Variants in TEDC1 observed in about 807,000 individuals in gnomAD.
TEDC1 encodes tubulin epsilon and delta complex 1, also known as tubulin epsilon and delta complex protein 1.
Under a neutral mutation model 59.9 loss-of-function variants are expected in TEDC1, and 54 were observed. That is an observed-to-expected ratio of 0.90 (90% CI 0.72 to 1.13). The LOEUF is 1.13. Among genes scored for constraint, TEDC1 ranks in the 50% most tolerant of loss-of-function variants. The pLI, the probability that TEDC1 is intolerant of heterozygous loss-of-function variation, is 0.00. For missense variants in TEDC1, 734 were observed against 683.4 expected, an observed-to-expected ratio of 1.07 and a Z score of -0.83; for synonymous variants, 353 against 298.1, an observed-to-expected ratio of 1.18 and a Z score of -1.90.
intron 5 of TEDC1, chr14:105,494,418 G>A (rs1219484041): frequency 5.5e-6 from 1 of 180,522 alleles, no homozygotes; most frequent in Non-Finnish European, 1.2e-5. Flanking sequence ...CACATGGGGT[G>A]TGCTGGACCG....
intron 4 of TEDC1, 145 bp downstream of exon 4, chr14:105,492,879 G>A (rs1555439794): frequency 8.2e-7 from 1 of 1,226,434 alleles, no homozygotes; most frequent in African/African-American, 1.5e-5. Flanking sequence ...CCCAAAGCCT[G>A]AGCCCGTGGT....
intron 4 of TEDC1, among the ~76,000 whole-genome samples, chr14:105,493,252 G>A (rs1555439851): frequency 6.6e-6 from 1 of 152,114 alleles, no homozygotes; most frequent in African/African-American, 2.4e-5. Context: ...GCAGCGGCGG[G>A]CTCCCACCAG....
chr14:105,498,717 G>C lies in TEDC1; in HGVS notation c.1259G>C (p.Arg420Pro), dbSNP rs587693244. 2.1e-5 allele frequency: 32 copies of C among 1,554,698 alleles called. No homozygotes were observed. Among genetic ancestry groups the C allele is most frequent in the Non-Finnish European group, 2.8e-5 (32 of 1,149,614 alleles). The change falls in exon 9 of 9, where the codon CGA (arginine) becomes CCA (proline). Residue 420 changes from arginine to proline, a missense_variant. Physicochemically the swap from Arg to Pro is moderately radical, Grantham distance 103. Coordinates refer to ENST00000392523, the MANE Select transcript of TEDC1 (RefSeq NM_001367178.1). Reference protein sequence around the residue: ...ELGALQQCWERDGGPAQPHGP... With the variant: ...ELGALQQCWEPDGGPAQPHGP... ...GGAGCTCTACAGCAGTGCTGGGAGCGAGACGGTGGCCCGGCCCAGCCCCAT... is the reference window on the plus strand; with the variant it reads ...GGAGCTCTACAGCAGTGCTGGGAGCCAGACGGTGGCCCGGCCCAGCCCCAT...
At chr14:105,491,012 G>GAGAC, upstream of TEDC1, 1 of 1,549,316 alleles carries the variant, frequency 6.5e-7, no homozygotes, top group Non-Finnish European at 8.7e-7. Context: ...GGGTCCGCAC[G>GAGAC]AGACAGAATA....
chr14:105,492,869 C>T, intron 4 of TEDC1, 135 bp downstream of exon 4: 1 of 1,275,336 alleles, frequency 7.8e-7, no homozygotes, highest in Non-Finnish European at 1.1e-6. Flanking sequence ...CCCTGGCTTA[C>T]CCAAAGCCTG....
chr14:105,490,052 C>A (rs1469188458), upstream of TEDC1: 2 of 152,188 alleles, frequency 1.3e-5, no homozygotes, highest in Non-Finnish European at 2.9e-5. Context: ...GGGTGAGGAG[C>A]GCAGTCCTCC....
At chr14:105,494,183 C>T (rs112054580) in intron 5 of TEDC1, 9,335 of 562,226 alleles carry the variant, frequency 0.017, 399 homozygotes, top group African/African-American at 0.11. Flanking sequence ...GGGCCCAGGA[C>T]GCAGGAGCCT....
Position 105,492,217 on chromosome 14 carries a change from G to C in TEDC1, c.337G>C (p.Ala113Pro). 6.2e-7 allele frequency: 1 copy of C among 1,612,334 alleles called. No individual in the cohort carries two copies. Among genetic ancestry groups the C allele is most frequent in the Non-Finnish European group, 8.5e-7 (1 of 1,179,926 alleles). The change falls in exon 3 of 9, where the codon GCT becomes CCT. Residue 113 changes from alanine (A) to proline (P), a missense_variant. Ala to Pro is a conservative substitution (Grantham distance 27). Coordinates refer to ENST00000392523, the MANE Select transcript of TEDC1 (RefSeq NM_001367178.1). ...GCAGGGCAGTCGGGAGCTGCTGCTG[G>C]CTCTGTCCTGGCTCTTGGCCCGAGG... ...GSQGSRELLLALSWLLARGPV... is the reference protein window; with the variant it reads ...GSQGSRELLLPLSWLLARGPV...
At chr14:105,493,222 C>T (rs782748972) in intron 4 of TEDC1, among the ~76,000 whole-genome samples, 30 of 152,218 alleles carry the variant, frequency 2.0e-4, no homozygotes, top group South Asian at 2.1e-4. Context: ...GTGAGGCCAG[C>T]GCTGACAGGT....
Position 105,492,230 on chromosome 14 carries a change from T to C in TEDC1, c.350T>C (p.Leu117Pro). The change falls in exon 3 of 9, where the codon CTC (leucine) becomes CCC (proline). Residue 117 changes from leucine (L) to proline (P), a missense_variant. Physicochemically the swap from Leu to Pro is moderately conservative, Grantham distance 98. Coordinates refer to ENST00000392523, the MANE Select transcript of TEDC1 (RefSeq NM_001367178.1). Reference sequence around the variant, plus strand: ...GAGCTGCTGCTGGCTCTGTCCTGGCTCTTGGCCCGAGGACCTGTGCCCGAG... The same window carrying C: ...GAGCTGCTGCTGGCTCTGTCCTGGCCCTTGGCCCGAGGACCTGTGCCCGAG... ...SRELLLALSWLLARGPVPEQM... is the reference protein window; with the variant it reads ...SRELLLALSWPLARGPVPEQM... 1.2e-6 allele frequency: 2 copies of C among 1,611,938 alleles called. No homozygotes were observed. Among genetic ancestry groups the C allele is most frequent in the Non-Finnish European group, 1.7e-6 (2 of 1,179,944 alleles).
intron 2 of TEDC1, 57 bp downstream of exon 2, chr14:105,491,757 A>G (rs1479050200): frequency 4.7e-6 from 7 of 1,498,624 alleles, no homozygotes; most frequent in Non-Finnish European, 5.4e-6. Flanking sequence ...CTACTCCTGT[A>G]AAGCCCCGCC....
intron 8 of TEDC1, 63 bp downstream of exon 8, chr14:105,498,040 G>A: frequency 7.0e-7 from 1 of 1,434,640 alleles, no homozygotes; most frequent in East Asian, 2.6e-5. Context: ...GCTGACCTGA[G>A]GGCACTTTGG....
Position 105,491,298 on chromosome 14 carries a change from C to G in TEDC1, c.-78C>G. 2.7e-6 allele frequency: 4 copies of G among 1,500,982 alleles called. No individual in the cohort carries two copies. The highest frequency in any genetic ancestry group is 3.5e-6 in the Non-Finnish European group (4 of 1,127,930). 93.0% of individuals were successfully genotyped at this position (1,500,982 alleles called of 1,614,324 possible). On this transcript the variant is annotated 5_prime_UTR_variant, in exon 1 of 9. Coordinates refer to ENST00000392523, the MANE Select transcript of TEDC1 (RefSeq NM_001367178.1). ...GCAGGTCCCAGCCGCCGCACTAAAC[C>G]CGGCCCGTGCGGTGATTGGACGCAG...
chr14:105,491,224 G>C, upstream of TEDC1: 1 of 1,542,128 alleles, frequency 6.5e-7, no homozygotes. Flanking sequence ...CGCTGGACCC[G>C]GCCCGTGCCA....
At position 105,493,905 on chromosome 14, in the gene TEDC1, T is replaced by A. The variant is rs80086621; in HGVS notation, c.656T>A (p.Met219Lys). 1 of 1,562,490 alleles carries A rather than the reference T, an allele frequency of 6.4e-7. No individual in the cohort carries two copies. Among genetic ancestry groups the A allele is most frequent in the African/African-American group, 1.4e-5 (1 of 72,542 alleles). Reference sequence around the variant, plus strand: ...CATCTGTCTGTCACTGAAGCAGAGATGCTCAGGGACCCAGAGGGAGGCCAG... The same window carrying A: ...CATCTGTCTGTCACTGAAGCAGAGAAGCTCAGGGACCCAGAGGGAGGCCAG... ...LSHLSVTEAE[M>K]LRDPEGGQQV... Residue 219 changes from methionine (M) to lysine (K), a missense_variant, in exon 5 of 9, where the codon ATG becomes AAG. Transcript: ENST00000392523.
In TEDC1 at chr14:105,492,184, G is replaced by A. The variant is rs782529386; in HGVS notation, c.304G>A (p.Asp102Asn). Residue 102 changes from aspartate to asparagine, a missense_variant, in exon 3 of 9, where the codon GAT becomes AAT. Asp to Asn is a conservative substitution (Grantham distance 23, BLOSUM62 1). Coordinates refer to ENST00000392523, the MANE Select transcript of TEDC1 (RefSeq NM_001367178.1). ...GCTGGCACTGGCACAACTACCTGAG[G>A]ATGGCTCGCAGGGCAGTCGGGAGCT... is the stretch of plus-strand genomic sequence containing the variant. ...PRLALAQLPE[D>N]GSQGSRELLL... 1 of 1,613,004 alleles carries A rather than the reference G, an allele frequency of 6.2e-7. No homozygotes were observed. Among genetic ancestry groups the A allele is most frequent in the Non-Finnish European group, 8.5e-7 (1 of 1,179,896 alleles).
chr14:105,495,231 C>T lies in TEDC1; in HGVS notation c.685-649C>T, dbSNP rs115068518. 1,253 of 154,610 alleles carry T rather than the reference C, an allele frequency of 8.1e-3. 14 individuals are homozygous for T. Among genetic ancestry groups the T allele is most frequent in the African/African-American group, 0.028 (1,168 of 41,570 alleles). 9.6% of individuals were successfully genotyped at this position (154,610 alleles called of 1,614,324 possible). A position where few individuals can be genotyped will look rare whatever the true frequency, so the allele number is the denominator to read the frequency against. On this transcript the variant is annotated intron_variant, in intron 5 of 8. Coordinates refer to ENST00000392523, the MANE Select transcript of TEDC1 (RefSeq NM_001367178.1). ...CTGTCCTGCTCCAGGTGCATATGGC[C>T]GGGCAGGAGGGCAGAGGCTCAGGGC...
intron 4 of TEDC1, among the ~76,000 whole-genome samples, chr14:105,492,954 A>G (rs1329158059): frequency 6.6e-6 from 1 of 152,124 alleles, no homozygotes; most frequent in Non-Finnish European, 1.5e-5. Flanking sequence ...AATGGTGGGC[A>G]GAAACGGGTG....
At position 105,492,802 on chromosome 14, in the gene TEDC1, C is replaced by T. The variant is rs937224281; in HGVS notation, c.585+68C>T. The T allele has an allele frequency of 4.6e-6, 7 of 1,508,178 alleles. No homozygotes were observed. The African/African-American group carries it at 9.6e-5, about 21-fold the overall frequency. 93.4% of individuals were successfully genotyped at this position (1,508,178 alleles called of 1,614,324 possible). ...GCTGCAGGCCGCCAGCTGCCAGTCC[C>T]TGCAGCCCGTCCCGTGAGGCCTGGC... On this transcript the variant is annotated intron_variant, in intron 4 of 8. Coordinates refer to ENST00000392523, the MANE Select transcript of TEDC1 (RefSeq NM_001367178.1).
Sources: gnomAD v4.1 joint callset for allele counts (sites outside exome capture counted in the v4.1 genomes callset) on GRCh38, gnomAD v4.1.1 for gene constraint, MANE v1.5 for transcripts, NCBI Gene and HGNC (gene_info 2026-07-23, HGNC 2026-07-21) for gene names.